Variants in ZNF66 observed in about 807,000 individuals in gnomAD.
ZNF66 encodes the protein zinc finger protein 66.
In ZNF66, 32 loss-of-function variants were observed where a neutral mutation model predicts 35.2. That is an observed-to-expected ratio of 0.91 (90% CI 0.69 to 1.22). ZNF66 has a LOEUF of 1.22. Among genes scored for constraint, ZNF66 ranks in the 50% most tolerant of loss-of-function variants. ZNF66 has a pLI of 0.00. For missense variants in ZNF66, 666 were observed against 543.1 expected, an observed-to-expected ratio of 1.23 and a Z score of -2.25; for synonymous variants, 231 against 181.3, an observed-to-expected ratio of 1.27 and a Z score of -2.20.
chr19:20,792,366 C>T, intron 1 of ZNF66, 146 bp from the exon 2 acceptor site: 1 of 693,034 alleles, frequency 1.4e-6, no homozygotes, highest in Non-Finnish European at 2.2e-6. Context: ...GAGAATATTT[C>T]TGTGTTGAAA....
chr19:20,801,491 A>G (rs1438501663), intron 3 of ZNF66, among the ~76,000 whole-genome samples: 1 of 151,954 alleles, frequency 6.6e-6, no homozygotes, highest in Non-Finnish European at 1.5e-5. Context: ...TTACAGGCAC[A>G]TGCCACCACA....
At chr19:20,802,919 A>G (rs1971463129) in intron 3 of ZNF66, among the ~76,000 whole-genome samples, 1 of 152,194 alleles carries the variant, frequency 6.6e-6, no homozygotes, top group African/African-American at 2.4e-5. Flanking sequence ...TCCCAGTGAA[A>G]GAATACATAT....
Position 20,793,827 on chromosome 19 carries a change from G to A in ZNF66, c.175G>A (p.Gly59Arg), listed in dbSNP as rs774570317. 12 of 1,162,272 alleles carry A rather than the reference G, an allele frequency of 1.0e-5. No individual in the cohort carries two copies. The highest frequency in any genetic ancestry group is 1.4e-5 in the Non-Finnish European group (12 of 827,804). The allele number at this position is 1,162,272 out of a possible 1,614,324, so 72.0% of individuals were successfully genotyped here. A position where few individuals can be genotyped will look rare whatever the true frequency, so the allele number is the denominator to read the frequency against. The change falls in exon 3 of 4, where the codon GGA (glycine) becomes AGA (arginine). Residue 59 changes from glycine (G) to arginine (R), a missense_variant. Gly to Arg is a moderately radical substitution (Grantham distance 125). Coordinates refer to ENST00000344519, the MANE Select transcript of ZNF66 (RefSeq NM_001355197.2). ...KPDLITHLEQ[G>R]KKPSTMQRHE... ...AGACCTCATCACCCATCTGGAGCAAGGAAAAAAACCTTCGACTATGCAGAG... is the reference window on the plus strand; with the variant it reads ...AGACCTCATCACCCATCTGGAGCAAAGAAAAAAACCTTCGACTATGCAGAG...
chr19:20,785,627 G>A (rs1012465101), intron 1 of ZNF66, among the ~76,000 whole-genome samples: 31 of 152,186 alleles, frequency 2.0e-4, no homozygotes, highest in African/African-American at 7.5e-4. Flanking sequence ...TGACCATGAT[G>A]TATGTCACTT....
rs192430551 is a variant in ZNF66 at position 20,794,566 on chromosome 19, T to C, written c.226+688T>C. On this transcript the variant is annotated intron_variant, in intron 3 of 3. Coordinates refer to ENST00000344519, the MANE Select transcript of ZNF66 (RefSeq NM_001355197.2). Reference sequence around the variant, plus strand: ...GATTCTTTAATAATATTTATTCTTTTAATTCATTGACATAAAATATTTTAA... The same window carrying C: ...GATTCTTTAATAATATTTATTCTTTCAATTCATTGACATAAAATATTTTAA... The C allele has an allele frequency of 9.2e-5, 14 of 151,834 alleles. No individual in the cohort carries two copies. In the East Asian group the frequency reaches 2.7e-3, roughly 29 times the overall value. The allele number at this position is 151,834 out of a possible 1,614,324, so 9.4% of individuals were successfully genotyped here.
At chr19:20,791,688 A>G (rs1482633357) in intron 1 of ZNF66, among the ~76,000 whole-genome samples, 1 of 152,062 alleles carries the variant, frequency 6.6e-6, no homozygotes, top group African/African-American at 2.4e-5. Context: ...TTTTGATTAC[A>G]TTCAGATTTT....
At chr19:20,789,054 A>T (rs538822954) in intron 1 of ZNF66, among the ~76,000 whole-genome samples, 15 of 146,208 alleles carry the variant, frequency 1.0e-4, no homozygotes, top group East Asian at 9.9e-4. Flanking sequence ...TCATCTATTT[A>T]AAAAAAAAAA....
At chr19:20,788,293 T>C (rs1331280297) in intron 1 of ZNF66, among the ~76,000 whole-genome samples, 1 of 151,842 alleles carries the variant, frequency 6.6e-6, no homozygotes, top group Non-Finnish European at 1.5e-5. Context: ...TAATTATGCA[T>C]CATATGGTTG....
chr19:20,793,324 TTTC>T (rs1212263877), intron 2 of ZNF66, among the ~76,000 whole-genome samples: 1 of 80,344 alleles, frequency 1.2e-5, no homozygotes, highest in Admixed American at 1.3e-4. Context: ...TTTCTTTTCT[TTTC>T]TTTTCTTTTT....
chr19:20,783,102 T>C (rs34420848), intron 1 of ZNF66, among the ~76,000 whole-genome samples: 13,340 of 151,168 alleles, frequency 0.088, 698 homozygotes, highest in Non-Finnish European at 0.12. Context: ...ATTTGTTAAA[T>C]AGAGAATTCT....
Position 20,808,471 on chromosome 19 carries a change from A to C in ZNF66, c.*1149A>C, listed in dbSNP as rs989728701. On this transcript the variant is annotated 3_prime_UTR_variant, in exon 4 of 4. Coordinates refer to ENST00000344519, the MANE Select transcript of ZNF66 (RefSeq NM_001355197.2). ...CCCAGTAGGGGCAGACTGACACTTC[A>C]CACGGCTGGGTACTCCTCATATAAA... 1.3e-5 allele frequency among the ~76,000 whole-genome samples: 2 copies of C among 152,198 alleles called. No individual in the cohort carries two copies. Among genetic ancestry groups the C allele is most frequent in the Non-Finnish European group, 2.9e-5 (2 of 68,036 alleles).
intron 1 of ZNF66, among the ~76,000 whole-genome samples, chr19:20,783,108 A>G (rs1353227812): frequency 6.6e-6 from 1 of 152,060 alleles, no homozygotes; most frequent in East Asian, 1.9e-4. Context: ...TAAATAGAGA[A>G]TTCTTGCTGC....
intron 1 of ZNF66, among the ~76,000 whole-genome samples, chr19:20,779,778 AAT>A (rs1376332015): frequency 1.3e-5 from 2 of 149,444 alleles, no homozygotes; most frequent in Admixed American, 6.6e-5. Context: ...AAAAAAAAAA[AAT>A]CAACAGGTGT....
chr19:20,805,052 A>G (rs531349446), intron 3 of ZNF66, among the ~76,000 whole-genome samples: 4 of 151,816 alleles, frequency 2.6e-5, no homozygotes, highest in Non-Finnish European at 5.9e-5. Flanking sequence ...ATTAAGATGT[A>G]TGTGCCAATA....
chr19:20,807,432 G>C lies in ZNF66; in HGVS notation c.*110G>C, dbSNP rs1335416244. 1.8e-6 allele frequency: 1 copy of C among 548,788 alleles called. No individual in the cohort carries two copies. Among genetic ancestry groups the C allele is most frequent in the Non-Finnish European group, 3.2e-6 (1 of 309,430 alleles). 34.0% of individuals were successfully genotyped at this position (548,788 alleles called of 1,614,324 possible). Reference sequence around the variant, plus strand: ...CCAGCTATCAACTTTTACTAAATATGAGAATTTATGGAACACAAACACTAC... The same window carrying C: ...CCAGCTATCAACTTTTACTAAATATCAGAATTTATGGAACACAAACACTAC... On this transcript the variant is annotated 3_prime_UTR_variant, in exon 4 of 4. Coordinates refer to ENST00000344519, the MANE Select transcript of ZNF66 (RefSeq NM_001355197.2).
chr19:20,778,595 C>T, intron 1 of ZNF66, among the ~76,000 whole-genome samples: 1 of 151,822 alleles, frequency 6.6e-6, no homozygotes, highest in Middle Eastern at 3.2e-3. Flanking sequence ...ACCAGCCTGC[C>T]CAACATGGTG....
chr19:20,792,051 C>T (rs910793569), intron 1 of ZNF66, among the ~76,000 whole-genome samples: 2 of 151,356 alleles, frequency 1.3e-5, no homozygotes, highest in African/African-American at 4.9e-5. Flanking sequence ...AAATATTCTT[C>T]TTGGGCCAAA....
At position 20,806,414 on chromosome 19, in the gene ZNF66, C is replaced by G; in HGVS notation, c.814C>G (p.Leu272Val). The G allele has an allele frequency of 6.4e-7, 1 of 1,563,068 alleles. No individual in the cohort carries two copies. The highest frequency in any genetic ancestry group is 8.8e-7 in the Non-Finnish European group (1 of 1,134,718). Residue 272 changes from leucine (L) to valine (V), a missense_variant, in exon 4 of 4, where the codon CTT becomes GTT. Transcript: ENST00000344519. ...CAAGGCCTTTAAGCGCTCCTCTATC[C>G]TTACTACACATAAGAGAATTCATAC... ...CGKAFKRSSI[L>V]TTHKRIHTGE...
rs760945102 is a variant in ZNF66 at position 20,807,129 on chromosome 19, A to C, written c.1529A>C (p.Lys510Thr). Residue 510 changes from lysine to threonine, a missense_variant, in exon 4 of 4, where the codon AAA becomes ACA. Coordinates refer to ENST00000344519, the MANE Select transcript of ZNF66 (RefSeq NM_001355197.2). ...ATTCATACTGCAGATAAACCCTACA[A>C]ATGTGAAGAATGTGGCAAAGACTTT... ...KRIHTADKPYKCEECGKDFKY... is the reference protein window; with the variant it reads ...KRIHTADKPYTCEECGKDFKY... 3 of 794,810 alleles carry C rather than the reference A, an allele frequency of 3.8e-6. No individual in the cohort carries two copies. Among genetic ancestry groups the C allele is most frequent in the Non-Finnish European group, 6.7e-6 (3 of 446,822 alleles). The allele number at this position is 794,810 out of a possible 1,614,324, so 49.2% of individuals were successfully genotyped here.
Sources: gnomAD v4.1 joint callset for allele counts (sites outside exome capture counted in the v4.1 genomes callset) on GRCh38, gnomAD v4.1.1 for gene constraint, MANE v1.5 for transcripts, NCBI Gene and HGNC (gene_info 2026-07-23, HGNC 2026-07-21) for gene names.